The following HSBP1 variants were observed in gnomAD, a reference collection of about 807,000 sequenced individuals.
The protein encoded by HSBP1 is heat shock factor-binding protein 1.
Under a neutral mutation model 9.6 loss-of-function variants are expected in HSBP1, and 5 were observed. That is an observed-to-expected ratio of 0.52 (90% CI 0.27 to 1.09). HSBP1 has a LOEUF of 1.09. Among genes scored for constraint, HSBP1 ranks in the 50% least tolerant of loss-of-function variants. The pLI is 0.11. For missense variants in HSBP1, 121 were observed against 96.3 expected (o/e 1.26, Z -1.07); for synonymous variants, 42 against 33.3 (o/e 1.26, Z -0.90).
rs1426056313 is a variant in HSBP1 at position 83,809,298 on chromosome 16, T to G, written c.113-7T>G. 1.3e-6 allele frequency: 2 copies of G among 1,553,214 alleles called. No individual in the cohort carries two copies. The highest frequency in any genetic ancestry group is 1.8e-6 in the Non-Finnish European group (2 of 1,137,482). On this transcript the variant is annotated splice_region_variant and splice_polypyrimidine_tract_variant and intron_variant, in intron 2 of 3. Transcript: ENST00000433866. ...ATGTTGGCACGCGTTGTCTTTAACTTCAGCACTTGATGATATGAGTAGTCG... is the reference window on the plus strand; with the variant it reads ...ATGTTGGCACGCGTTGTCTTTAACTGCAGCACTTGATGATATGAGTAGTCG...
At chr16:83,809,147 C>G in intron 2 of HSBP1, 158 bp from the exon 3 acceptor site, 1 of 585,964 alleles carries the variant, frequency 1.7e-6, no homozygotes, top group East Asian at 2.8e-5. Context: ...AGCCATGCCC[C>G]ACAGTCCTGT....
In HSBP1 at chr16:83,818,702, C is replaced by G. The variant is rs200745287; in HGVS notation, c.*7284C>G. 6.6e-6 allele frequency: 1 copy of G among 152,166 alleles called. No homozygotes were observed. Among genetic ancestry groups the G allele is most frequent in the East Asian group, 1.9e-4 (1 of 5,180 alleles). The allele number at this position is 152,166 out of a possible 1,614,324, so 9.4% of individuals were successfully genotyped here. ...ACCCCTTCAGCAGACGACCCTGTAT[C>G]TGGTCTTGGTTCTGAAAGGTTTGCA... On this transcript the variant is annotated 3_prime_UTR_variant, in exon 4 of 4. Transcript: ENST00000433866.
Position 83,812,503 on chromosome 16 carries a change from T to C in HSBP1, c.*1085T>C, listed in dbSNP as rs1331705666. The C allele has an allele frequency of 1.3e-5, 2 of 152,240 alleles. No homozygotes were observed. The highest frequency in any genetic ancestry group is 2.9e-5 in the Non-Finnish European group (2 of 68,038). 9.4% of individuals were successfully genotyped at this position (152,240 alleles called of 1,614,324 possible). On this transcript the variant is annotated 3_prime_UTR_variant, in exon 4 of 4. Transcript: ENST00000433866. ...TACTGATGACCTGGAAGGTGATCCA[T>C]ATGATTGTCACCACAAAGTGCTTTT... is the stretch of plus-strand genomic sequence containing the variant.
intron 2 of HSBP1, 39 bp from the exon 3 acceptor site, chr16:83,809,266 C>T: frequency 7.8e-7 from 1 of 1,287,728 alleles, no homozygotes; most frequent in Non-Finnish European, 1.1e-6. Flanking sequence ...GAAAAAGGCT[C>T]AATGAGATGT....
Position 83,808,220 on chromosome 16 carries a change from C to T in HSBP1, c.45+99C>T, listed in dbSNP as rs548483884. On this transcript the variant is annotated intron_variant, in intron 1 of 3. Coordinates refer to ENST00000433866, the MANE Select transcript of HSBP1 (RefSeq NM_001537.4). ...GCGCGCCCACCGCGGCCGCGCGTGG[C>T]GTCTGCCGAGGCCCCGTTTCTGGAA... The T allele has an allele frequency of 1.2e-5, 13 of 1,054,790 alleles. No homozygotes were observed. The South Asian group carries it at 1.7e-4, about 14-fold the overall frequency. The allele number at this position is 1,054,790 out of a possible 1,614,324, so 65.3% of individuals were successfully genotyped here.
Position 83,817,327 on chromosome 16 carries a change from A to G in HSBP1, c.*5909A>G, listed in dbSNP as rs1037971175. On this transcript the variant is annotated 3_prime_UTR_variant, in exon 4 of 4. Coordinates refer to ENST00000433866, the MANE Select transcript of HSBP1 (RefSeq NM_001537.4). ...CAATCCATGTGTCACGCATGCCCCA[A>G]CAATTTGTGTCCCAACTGTTTGAAT... is the stretch of plus-strand genomic sequence containing the variant. The G allele has an allele frequency of 2.6e-5, 4 of 152,198 alleles. No individual in the cohort carries two copies. The highest frequency in any genetic ancestry group is 1.3e-4 in the Admixed American group (2 of 15,282). The allele number at this position is 152,198 out of a possible 1,614,324, so 9.4% of individuals were successfully genotyped here. A position where few individuals can be genotyped will look rare whatever the true frequency, so the allele number is the denominator to read the frequency against.
Position 83,811,719 on chromosome 16 carries a change from C to T in HSBP1, c.*301C>T, listed in dbSNP as rs1261379345. ...TCTGTGAAGTCATTTTTTTTCTTGTCATTCCTTTTGTAGTAGTTGCTGTTT... is the reference window on the plus strand; with the variant it reads ...TCTGTGAAGTCATTTTTTTTCTTGTTATTCCTTTTGTAGTAGTTGCTGTTT... On this transcript the variant is annotated 3_prime_UTR_variant, in exon 4 of 4. Transcript: ENST00000433866. 1 of 151,964 alleles carries T rather than the reference C, an allele frequency of 6.6e-6. No homozygotes were observed. Among genetic ancestry groups the T allele is most frequent in the Non-Finnish European group, 1.5e-5 (1 of 67,988 alleles). The allele number at this position is 151,964 out of a possible 1,614,324, so 9.4% of individuals were successfully genotyped here. A position where few individuals can be genotyped will look rare whatever the true frequency, so the allele number is the denominator to read the frequency against.
Position 83,815,596 on chromosome 16 carries a change from C to T in HSBP1, c.*4178C>T, listed in dbSNP as rs893608718. ...AGAGGTGGCTGGAAGCTCCTCAGAC[C>T]GCTGCCTAGGGTTCGAGTGATCCTG... On this transcript the variant is annotated 3_prime_UTR_variant, in exon 4 of 4. Transcript: ENST00000433866. The T allele has an allele frequency of 1.3e-5, 2 of 152,100 alleles. No homozygotes were observed. Among genetic ancestry groups the T allele is most frequent in the South Asian group, 2.1e-4 (1 of 4,814 alleles). The allele number at this position is 152,100 out of a possible 1,614,324, so 9.4% of individuals were successfully genotyped here.
rs1322860680 is a variant in HSBP1, at chr16:83,812,193, GC to G, written c.*776del. ...TACAATGGTTACCATAAAAAATCTG[GC>G]AGGATTTTAAAACTCAATCAGTCTT... On this transcript the variant is annotated 3_prime_UTR_variant, in exon 4 of 4. Coordinates refer to ENST00000433866, the MANE Select transcript of HSBP1 (RefSeq NM_001537.4). The G allele has an allele frequency of 2.6e-5, 4 of 152,572 alleles. No individual in the cohort carries two copies. Among genetic ancestry groups the G allele is most frequent in the African/African-American group, 9.7e-5 (4 of 41,416 alleles). The allele number at this position is 152,572 out of a possible 1,614,324, so 9.5% of individuals were successfully genotyped here.
In HSBP1 at chr16:83,809,304, C is replaced by G; in HGVS notation, c.113-1C>G. ...GCACGCGTTGTCTTTAACTTCAGCA[C>G]TTGATGATATGAGTAGTCGCATTGA... On this transcript the variant is annotated splice_acceptor_variant, in intron 2 of 3. Coordinates refer to ENST00000433866, the MANE Select transcript of HSBP1 (RefSeq NM_001537.4). LOFTEE classifies it high-confidence loss of function. 6.4e-7 allele frequency: 1 copy of G among 1,571,680 alleles called. No individual in the cohort carries two copies. Among genetic ancestry groups the G allele is most frequent in the East Asian group, 2.3e-5 (1 of 43,610 alleles).
Position 83,811,525 on chromosome 16 carries a change from A to G in HSBP1, c.*107A>G, listed in dbSNP as rs1443422330. 1 of 152,230 alleles carries G rather than the reference A, an allele frequency of 6.6e-6. No homozygotes were observed. Among genetic ancestry groups the G allele is most frequent in the Non-Finnish European group, 1.5e-5 (1 of 68,032 alleles). 9.4% of individuals were successfully genotyped at this position (152,230 alleles called of 1,614,324 possible). A position where few individuals can be genotyped will look rare whatever the true frequency, so the allele number is the denominator to read the frequency against. On this transcript the variant is annotated 3_prime_UTR_variant, in exon 4 of 4. Coordinates refer to ENST00000433866, the MANE Select transcript of HSBP1 (RefSeq NM_001537.4). ...TGTGTAGACAGGTTTTATATTATAA[A>G]GTATGCATTCTTATCACCTAGTATA... is the stretch of plus-strand genomic sequence containing the variant.
At chr16:83,810,392 C>G (rs945446831) in intron 3 of HSBP1, among the ~76,000 whole-genome samples, 5 of 151,994 alleles carry the variant, frequency 3.3e-5, no homozygotes, top group African/African-American at 1.2e-4. Flanking sequence ...GTTTTAGACT[C>G]ACTTTTCTCT....
rs1212009805 is a variant in HSBP1 at position 83,818,385 on chromosome 16, C to G, written c.*6967C>G. 2 of 152,198 alleles carry G rather than the reference C, an allele frequency of 1.3e-5. No homozygotes were observed. Among genetic ancestry groups the G allele is most frequent in the Admixed American group, 6.5e-5 (1 of 15,284 alleles). 9.4% of individuals were successfully genotyped at this position (152,198 alleles called of 1,614,324 possible). On this transcript the variant is annotated 3_prime_UTR_variant, in exon 4 of 4. Coordinates refer to ENST00000433866, the MANE Select transcript of HSBP1 (RefSeq NM_001537.4). Reference sequence around the variant, plus strand: ...GGAATCACTGACCCCAGACATTGTTCCCTGCCATCCACTCTGCCAGACATT... The same window carrying G: ...GGAATCACTGACCCCAGACATTGTTGCCTGCCATCCACTCTGCCAGACATT...
In HSBP1 at chr16:83,816,315, G is replaced by C. The variant is rs7206568; in HGVS notation, c.*4897G>C. 59,407 of 151,898 alleles carry C rather than the reference G, an allele frequency of 0.39. 11,942 individuals carry two copies. Among genetic ancestry groups the C allele is most frequent in the Non-Finnish European group, 0.43 (29,543 of 67,946 alleles). The allele number at this position is 151,898 out of a possible 1,614,324, so 9.4% of individuals were successfully genotyped here. On this transcript the variant is annotated 3_prime_UTR_variant, in exon 4 of 4. Transcript: ENST00000433866. Reference sequence around the variant, plus strand: ...CTCGGGAGGCTGAGGGAGGAGGATCGCTTGAACTCAGGAGGTGGAAGTTGC... The same window carrying C: ...CTCGGGAGGCTGAGGGAGGAGGATCCCTTGAACTCAGGAGGTGGAAGTTGC...
intron 2 of HSBP1, 95 bp downstream of exon 2, chr16:83,808,841 C>T: frequency 2.3e-6 from 2 of 859,052 alleles, no homozygotes; most frequent in Non-Finnish European, 3.7e-6. Flanking sequence ...AGGCTAGCTT[C>T]AGCCATTCAC....
rs1029270015 is a variant in HSBP1 at position 83,818,717 on chromosome 16, A to G, written c.*7299A>G. 8.5e-5 allele frequency: 13 copies of G among 152,122 alleles called. No homozygotes were observed. The highest frequency in any genetic ancestry group is 3.1e-4 in the African/African-American group (13 of 41,408). 9.4% of individuals were successfully genotyped at this position (152,122 alleles called of 1,614,324 possible). A position where few individuals can be genotyped will look rare whatever the true frequency, so the allele number is the denominator to read the frequency against. ...GACCCTGTATCTGGTCTTGGTTCTG[A>G]AAGGTTTGCAGCGGCACCTAAGTCA... is the stretch of plus-strand genomic sequence containing the variant. On this transcript the variant is annotated 3_prime_UTR_variant, in exon 4 of 4. Coordinates refer to ENST00000433866, the MANE Select transcript of HSBP1 (RefSeq NM_001537.4).
At position 83,818,615 on chromosome 16, in the gene HSBP1, C is replaced by G. The variant is rs2151032807; in HGVS notation, c.*7197C>G. Reference sequence around the variant, plus strand: ...ATTTGCTTTTATGCTGTATTAAACACCACTGAGATGTTAAGGTCTTTCTTG... The same window carrying G: ...ATTTGCTTTTATGCTGTATTAAACAGCACTGAGATGTTAAGGTCTTTCTTG... On this transcript the variant is annotated 3_prime_UTR_variant, in exon 4 of 4. Coordinates refer to ENST00000433866, the MANE Select transcript of HSBP1 (RefSeq NM_001537.4). The G allele has an allele frequency of 6.6e-6, 1 of 152,296 alleles. No individual in the cohort carries two copies. Among genetic ancestry groups the G allele is most frequent in the Admixed American group, 6.5e-5 (1 of 15,302 alleles). The allele number at this position is 152,296 out of a possible 1,614,324, so 9.4% of individuals were successfully genotyped here.
rs1245395608 is a variant in HSBP1 at position 83,809,312 on chromosome 16, T to C, written c.120T>C (p.Asp40=). The part of the protein sequence containing the change: ...MSDQIIGRID[D]MSSRIDDLEK... ...TGTCTTTAACTTCAGCACTTGATGA[T>C]ATGAGTAGTCGCATTGATGATCTGG... is the stretch of plus-strand genomic sequence containing the variant. Residue 40 remains aspartate, a synonymous_variant, in exon 3 of 4, where the codon GAT becomes GAC. Coordinates refer to ENST00000433866, the MANE Select transcript of HSBP1 (RefSeq NM_001537.4). 1 of 1,584,974 alleles carries C rather than the reference T, an allele frequency of 6.3e-7. No individual in the cohort carries two copies. Among genetic ancestry groups the C allele is most frequent in the Non-Finnish European group, 8.6e-7 (1 of 1,162,328 alleles).
chr16:83,808,595 C>T, intron 1 of HSBP1, 85 bp from the exon 2 acceptor site: 11 of 1,087,164 alleles, frequency 1.0e-5, no homozygotes, highest in African/African-American at 1.6e-5. Context: ...GGGCTGGAAC[C>T]CCGGGACCAG....
Sources: allele counts gnomAD v4.1 joint callset (sites outside exome capture counted in the v4.1 genomes callset), GRCh38; gene constraint gnomAD v4.1.1; transcripts MANE v1.5; gene names NCBI Gene and HGNC (gene_info 2026-07-23, HGNC 2026-07-21).